ASIC2: variants seen among roughly 807,000 people sequenced by gnomAD.
ASIC2 encodes acid-sensing ion channel 2.
Under a neutral mutation model 57.3 loss-of-function variants are expected in ASIC2, and 25 were observed. The ratio of observed to expected loss-of-function variants is 0.44; its 90% CI spans 0.32 to 0.61. The LOEUF is 0.61. Ranked by LOEUF, ASIC2 falls within the 20% of genes least tolerant of loss-of-function variation. The probability of loss-of-function intolerance (pLI) is 0.06; values close to 1 mark genes in which losing one functional copy is unlikely to be tolerated. For synonymous variants in ASIC2, 319 were observed against 307.5 expected, an observed-to-expected ratio of 1.04 and a Z score of -0.39; for missense variants, 641 against 738.1, an observed-to-expected ratio of 0.87 and a Z score of 1.52.
rs1394528653 is a variant in ASIC2, at chr17:33,111,981, G to A, written c.795C>T (p.Gly265=). 6.2e-7 allele frequency: 1 copy of A among 1,614,014 alleles called. No individual in the cohort carries two copies. Among genetic ancestry groups the A allele is most frequent in the Non-Finnish European group, 8.5e-7 (1 of 1,179,976 alleles). ...PLLTTVKGGT[G]NGLEIMLDIQ... ...TGTCCAGCATGATCTCCAGCCCGTT[G>A]CCTGTCCCCCCCTTGACCGTGGTGA... The change falls in exon 2 of 10, where the codon GGC becomes GGT. Residue 265 remains glycine (G), a synonymous_variant. Transcript: ENST00000225823.
intron 1 of ASIC2, among the ~76,000 whole-genome samples, chr17:33,556,818 C>T (rs1230250145): frequency 1.3e-5 from 2 of 152,212 alleles, no homozygotes; most frequent in African/African-American, 4.8e-5. Context: ...AGCCATTGAT[C>T]CTCTCAGCAT....
In ASIC2 at chr17:33,920,784, G is replaced by A. The variant is rs764021151; in HGVS notation, c.555+235194C>T. Among the ~76,000 whole-genome samples the A allele has an allele frequency of 7.9e-5, 12 of 152,170 alleles. No homozygotes were observed. In the South Asian group the frequency reaches 1.0e-3, roughly 13 times the overall value. On this transcript the variant is annotated intron_variant, in intron 1 of 9. Transcript: ENST00000359872. Reference sequence around the variant, plus strand: ...TGGTCTTATTAGAGGCGTTGTGGTCGCCCTGATGCAAACCATTAAGCCACT... The same window carrying A: ...TGGTCTTATTAGAGGCGTTGTGGTCACCCTGATGCAAACCATTAAGCCACT...
At chr17:33,560,478 G>A (rs763404755) in intron 1 of ASIC2, among the ~76,000 whole-genome samples, 19 of 152,306 alleles carry the variant, frequency 1.2e-4, no homozygotes, top group Non-Finnish European at 2.5e-4. Context: ...ATGATACTCA[G>A]GGAAGGGAAA....
chr17:33,492,075 A>G (rs1168324189), intron 1 of ASIC2, among the ~76,000 whole-genome samples: 1 of 152,230 alleles, frequency 6.6e-6, no homozygotes, highest in Non-Finnish European at 1.5e-5. Context: ...TGCGTTTGCC[A>G]TTAGTCCTAG....
chr17:33,625,027 T>G (rs1271081762), intron 1 of ASIC2, among the ~76,000 whole-genome samples: 2 of 152,064 alleles, frequency 1.3e-5, no homozygotes, highest in Admixed American at 1.3e-4. Context: ...TGTGGATCCC[T>G]TCTTCCTTGT....
At chr17:33,926,927 T>C (rs1915834480) in intron 1 of ASIC2, among the ~76,000 whole-genome samples, 1 of 152,044 alleles carries the variant, frequency 6.6e-6, no homozygotes, top group Admixed American at 6.5e-5. Flanking sequence ...CTCAAAAAGT[T>C]TTGGATTTTT....
intron 1 of ASIC2, among the ~76,000 whole-genome samples, chr17:33,964,878 G>A (rs952848539): frequency 6.6e-6 from 1 of 152,214 alleles, no homozygotes; most frequent in Non-Finnish European, 1.5e-5. Context: ...GAAAGTTGCT[G>A]TTCTTCTCTT....
intron 1 of ASIC2, among the ~76,000 whole-genome samples, chr17:33,238,410 C>T (rs1270869529): frequency 6.6e-6 from 1 of 152,254 alleles, no homozygotes; most frequent in Non-Finnish European, 1.5e-5. Flanking sequence ...CCTGCTTCCT[C>T]TGTTGCTGCC....
intron 1 of ASIC2, among the ~76,000 whole-genome samples, chr17:33,755,834 AGAG>A (rs1910587523): frequency 6.6e-6 from 1 of 152,214 alleles, no homozygotes. Flanking sequence ...GGATATTTAC[AGAG>A]GAGATGTTGC....
intron 1 of ASIC2, among the ~76,000 whole-genome samples, chr17:33,205,249 C>T (rs1297844007): frequency 1.3e-5 from 2 of 152,212 alleles, no homozygotes; most frequent in African/African-American, 2.4e-5. Context: ...ACCCTGTGTG[C>T]CCCTTGCATC....
chr17:33,427,905 CTG>C (rs1310599554), intron 1 of ASIC2, among the ~76,000 whole-genome samples: 3 of 152,236 alleles, frequency 2.0e-5, no homozygotes, highest in Admixed American at 1.3e-4. Flanking sequence ...CACCGTGGCT[CTG>C]TCTTTCTGTC....
intron 1 of ASIC2, among the ~76,000 whole-genome samples, chr17:33,392,953 C>A (rs1909954447): frequency 6.6e-6 from 1 of 152,116 alleles, no homozygotes. Flanking sequence ...AGTAGATAAG[C>A]CCTGCAGACT....
At chr17:33,732,503 C>CT (rs35048594) in intron 1 of ASIC2, among the ~76,000 whole-genome samples, 3,804 of 127,266 alleles carry the variant, frequency 0.03, 108 homozygotes, top group African/African-American at 0.071. Flanking sequence ...TAAGGAAATT[C>CT]TTTTTTTTTT....
At chr17:34,007,934 C>T (rs1398953913) in intron 1 of ASIC2, among the ~76,000 whole-genome samples, 1 of 152,162 alleles carries the variant, frequency 6.6e-6, no homozygotes, top group South Asian at 2.1e-4. Flanking sequence ...GGCTCCCCCA[C>T]CCCCTCCAAC....
At chr17:33,896,202 A>AGAGAGCAT (rs1199891218) in intron 1 of ASIC2, among the ~76,000 whole-genome samples, 3 of 152,208 alleles carry the variant, frequency 2.0e-5, no homozygotes, top group Non-Finnish European at 4.4e-5. Context: ...TGCATGAGCA[A>AGAGAGCAT]GAGCTCTGCT....
At chr17:33,494,835 G>C (rs576740879) in intron 1 of ASIC2, among the ~76,000 whole-genome samples, 1 of 152,178 alleles carries the variant, frequency 6.6e-6, no homozygotes, top group Non-Finnish European at 1.5e-5. Context: ...GTTAGATATG[G>C]AGATAGAAAG....
intron 1 of ASIC2, among the ~76,000 whole-genome samples, chr17:33,493,599 C>G (rs977912731): frequency 8.5e-5 from 13 of 152,102 alleles, no homozygotes; most frequent in African/African-American, 2.9e-4. Context: ...CCATTTTCTC[C>G]TCTTTTTTTA....
intron 1 of ASIC2, among the ~76,000 whole-genome samples, chr17:33,896,687 G>A (rs910872485): frequency 6.6e-6 from 1 of 152,202 alleles, no homozygotes; most frequent in Admixed American, 6.5e-5. Context: ...CCATGACAGA[G>A]TCTTGGCCCT....
At chr17:33,193,300 C>T (rs1398595364) in intron 1 of ASIC2, among the ~76,000 whole-genome samples, 2 of 152,204 alleles carry the variant, frequency 1.3e-5, no homozygotes, top group Non-Finnish European at 2.9e-5. Context: ...TCGCCACCCT[C>T]TCCCAGTTGA....
Sources: allele counts gnomAD v4.1 joint callset (sites outside exome capture counted in the v4.1 genomes callset), GRCh38; gene constraint gnomAD v4.1.1; transcripts MANE v1.5; gene names NCBI Gene and HGNC (gene_info 2026-07-23, HGNC 2026-07-21).